PIP4K2A: variants seen among roughly 807,000 people sequenced by gnomAD.
PIP4K2A encodes phosphatidylinositol 5-phosphate 4-kinase type-2 alpha.
Under a neutral mutation model 42.9 loss-of-function variants are expected in PIP4K2A, and 14 were observed. That is an observed-to-expected ratio of 0.33 (90% CI 0.22 to 0.51). The LOEUF (loss-of-function observed/expected upper bound fraction) is 0.51, where lower values mean the gene tolerates loss of function less well. Among genes scored for constraint, PIP4K2A ranks in the 20% least tolerant of loss-of-function variants. The pLI, the probability that PIP4K2A is intolerant of heterozygous loss-of-function variation, is 0.97. For missense variants in PIP4K2A, 434 were observed against 519.8 expected (o/e 0.83, Z 1.61); for synonymous variants, 192 against 192.2 (o/e 1.00, Z 0.01).
At chr10:22,623,856 T>C (rs1186467312) in intron 1 of PIP4K2A, among the ~76,000 whole-genome samples, 1 of 152,164 alleles carries the variant, frequency 6.6e-6, no homozygotes, top group African/African-American at 2.4e-5. Context: ...AGCCCTGAGC[T>C]CCCAGGGTTC....
rs1004695145 is a variant in PIP4K2A at position 22,563,121 on chromosome 10, CTT to C, written c.678+4728_678+4729del. The stretch of plus-strand genomic sequence containing the variant: ...CTCCATCATTTACCAATTTCTATGA[CTT>C]TGACATTCCACATCTTCAAGCTATT... On this transcript the variant is annotated intron_variant, in intron 6 of 9. Coordinates refer to ENST00000376573, the MANE Select transcript of PIP4K2A (RefSeq NM_005028.5). Among the ~76,000 whole-genome samples, 27 of 152,322 alleles carry C rather than the reference CTT, an allele frequency of 1.8e-4. 1 individual carries two copies. Among genetic ancestry groups the C allele is most frequent in the African/African-American group, 6.5e-4 (27 of 41,576 alleles).
At chr10:22,688,717 T>C (rs554276420) in intron 1 of PIP4K2A, among the ~76,000 whole-genome samples, 4 of 152,162 alleles carry the variant, frequency 2.6e-5, no homozygotes, top group Admixed American at 2.6e-4. Context: ...ACTCCCAAAG[T>C]GCTGAGATTA....
intron 3 of PIP4K2A, among the ~76,000 whole-genome samples, chr10:22,598,891 TAC>T: frequency 6.6e-6 from 1 of 152,230 alleles, no homozygotes; most frequent in East Asian, 1.9e-4. Context: ...ACTGCAAAAA[TAC>T]ACTTTCTTCA....
chr10:22,581,316 G>A (rs1837273616), intron 4 of PIP4K2A, among the ~76,000 whole-genome samples: 2 of 119,220 alleles, frequency 1.7e-5, no homozygotes, highest in Non-Finnish European at 3.9e-5. Flanking sequence ...CTGAATAGGT[G>A]CTGAAAATCT....
intron 1 of PIP4K2A, among the ~76,000 whole-genome samples, chr10:22,711,513 G>A (rs1833910287): frequency 1.3e-5 from 2 of 152,302 alleles, no homozygotes. Context: ...TGAAAAAACA[G>A]AATCTTGAGT....
In PIP4K2A at chr10:22,655,691, A is replaced by G. The variant is rs1038252917; in HGVS notation, c.145-45974T>C. 3.9e-5 allele frequency among the ~76,000 whole-genome samples: 6 copies of G among 152,364 alleles called. No individual in the cohort carries two copies. The East Asian group carries it at 5.8e-4, about 15-fold the overall frequency. On this transcript the variant is annotated intron_variant, in intron 1 of 9. Coordinates refer to ENST00000376573, the MANE Select transcript of PIP4K2A (RefSeq NM_005028.5). ...ATATTTTAATGAGTAGGTGCTCAAC[A>G]ACTATTTATTAAAATGTAAACATGA...
At chr10:22,616,011 C>A (rs1838170254) in intron 1 of PIP4K2A, among the ~76,000 whole-genome samples, 1 of 152,312 alleles carries the variant, frequency 6.6e-6, no homozygotes, top group Middle Eastern at 3.4e-3. Flanking sequence ...TGGGTCTGCA[C>A]TGCCTTGCTG....
At chr10:22,697,607 C>T (rs184739083) in intron 1 of PIP4K2A, among the ~76,000 whole-genome samples, 3 of 152,086 alleles carry the variant, frequency 2.0e-5, no homozygotes, top group Admixed American at 6.6e-5. Context: ...CAACTATAGT[C>T]CCAGCTATTA....
chr10:22,699,071 A>G (rs1481230322), intron 1 of PIP4K2A, among the ~76,000 whole-genome samples: 1 of 152,220 alleles, frequency 6.6e-6, no homozygotes, highest in Non-Finnish European at 1.5e-5. Context: ...CAAAAAGATT[A>G]GCTTCTCCTA....
At chr10:22,563,111 A>G (rs1326208643) in intron 6 of PIP4K2A, among the ~76,000 whole-genome samples, 2 of 152,202 alleles carry the variant, frequency 1.3e-5, no homozygotes, top group East Asian at 3.9e-4. Flanking sequence ...TCATTTACCA[A>G]TTTCTATGAC....
chr10:22,648,357 C>G (rs1778344), intron 1 of PIP4K2A, among the ~76,000 whole-genome samples: 7,404 of 152,274 alleles, frequency 0.049, 233 homozygotes, highest in African/African-American at 0.08. Flanking sequence ...CCTTTATTAG[C>G]TGACATTAAA....
intron 1 of PIP4K2A, among the ~76,000 whole-genome samples, chr10:22,646,546 A>G (rs541342320): frequency 6.6e-6 from 1 of 152,308 alleles, no homozygotes; most frequent in South Asian, 2.1e-4. Flanking sequence ...GAAGCAGACT[A>G]GTATGGATGG....
intron 1 of PIP4K2A, among the ~76,000 whole-genome samples, chr10:22,709,414 T>C (rs1346660695): frequency 6.6e-6 from 1 of 152,246 alleles, no homozygotes; most frequent in Admixed American, 6.5e-5. Context: ...GAACCTCATC[T>C]GTCTAACCAC....
chr10:22,541,583 C>T (rs1370016823), intron 8 of PIP4K2A, among the ~76,000 whole-genome samples: 8 of 152,072 alleles, frequency 5.3e-5, no homozygotes, highest in Admixed American at 4.6e-4. Flanking sequence ...GCTGTATTCC[C>T]TCAACATCAC....
chr10:22,632,695 AT>A (rs1838574197), intron 1 of PIP4K2A, among the ~76,000 whole-genome samples: 1 of 152,110 alleles, frequency 6.6e-6, no homozygotes, highest in South Asian at 2.1e-4. Flanking sequence ...TTATTTTTTA[AT>A]TTTACTCCAT....
chr10:22,543,364 T>A (rs1025899908), intron 7 of PIP4K2A, among the ~76,000 whole-genome samples: 6 of 152,192 alleles, frequency 3.9e-5, no homozygotes, highest in Non-Finnish European at 7.3e-5. Context: ...GCCAGCTATA[T>A]CTTCCCCAAT....
chr10:22,672,054 A>G (rs1280129538), intron 1 of PIP4K2A, among the ~76,000 whole-genome samples: 3 of 152,252 alleles, frequency 2.0e-5, no homozygotes, highest in African/African-American at 7.2e-5. Context: ...AAACAATATA[A>G]GGTATATCAT....
intron 1 of PIP4K2A, among the ~76,000 whole-genome samples, chr10:22,636,898 T>C (rs1228777837): frequency 6.6e-6 from 1 of 152,184 alleles, no homozygotes; most frequent in Non-Finnish European, 1.5e-5. Flanking sequence ...TTTGTTCTTC[T>C]GGAAGGTGGT....
At chr10:22,612,874 G>A (rs1422643539) in intron 1 of PIP4K2A, among the ~76,000 whole-genome samples, 7 of 152,120 alleles carry the variant, frequency 4.6e-5, no homozygotes, top group Non-Finnish European at 8.8e-5. Context: ...GGGGCAGCAG[G>A]GGCAAGAGAT....
Sources: gnomAD v4.1 joint callset for allele counts (sites outside exome capture counted in the v4.1 genomes callset) on GRCh38, gnomAD v4.1.1 for gene constraint, MANE v1.5 for transcripts, NCBI Gene and HGNC (gene_info 2026-07-23, HGNC 2026-07-21) for gene names.